IL17B: variants seen among roughly 807,000 people sequenced by gnomAD.
The protein encoded by IL17B is interleukin-17B.
IL17B carries 14 observed loss-of-function variants against 14.7 expected under a neutral mutation model. That is an observed-to-expected ratio of 0.95 (90% CI 0.63 to 1.49). The LOEUF is 1.49. Among genes scored for constraint, IL17B ranks in the 40% most tolerant of loss-of-function variants. IL17B has a pLI of 0.00. For missense variants in IL17B, 233 were observed against 252.8 expected (o/e 0.92, Z 0.53); for synonymous variants, 105 against 94.8 (o/e 1.11, Z -0.62).
upstream of IL17B, chr5:149,379,364 G>A (rs185598769): frequency 9.9e-4 from 967 of 974,544 alleles, 3 homozygotes; most frequent in Non-Finnish European, 1.0e-3. Context: ...GGGTGGGCTC[G>A]TCATCAGCTG....
chr5:149,400,560 T>A (rs1382214865), intron 1 of IL17B, among the ~76,000 whole-genome samples: 2 of 152,324 alleles, frequency 1.3e-5, no homozygotes, highest in South Asian at 4.1e-4. Flanking sequence ...TGGACACAGC[T>A]GCAGCAGTGT....
At chr5:149,379,808 A>G (rs1382395536), upstream of IL17B, among the ~76,000 whole-genome samples, 6 of 152,108 alleles carry the variant, frequency 3.9e-5, no homozygotes, top group African/African-American at 1.4e-4. Context: ...AGTCAAGGAA[A>G]CTGAGGCTGG....
chr5:149,390,717 T>C lies in IL17B; in HGVS notation n.95+13391A>G, dbSNP rs563552219. ...GGTAAGTGATTTCCAAAGTAGGGTG[T>C]CATTTGAGGCTTAGGAAGACTATCA... On this transcript the variant is annotated intron_variant and non_coding_transcript_variant, in intron 1 of 2. Transcript: ENST00000505432. Among the ~76,000 whole-genome samples, 64 of 151,998 alleles carry C rather than the reference T, an allele frequency of 4.2e-4. 2 individuals are homozygous for C. The South Asian group carries it at 0.013, about 31-fold the overall frequency.
At chr5:149,394,257 G>A (rs962823383) in intron 1 of IL17B, among the ~76,000 whole-genome samples, 1 of 152,184 alleles carries the variant, frequency 6.6e-6, no homozygotes, top group African/African-American at 2.4e-5. Context: ...CGCTATGGTT[G>A]TTAATTGTGT....
chr5:149,392,330 C>A (rs1214737401), intron 1 of IL17B, among the ~76,000 whole-genome samples: 1 of 152,238 alleles, frequency 6.6e-6, no homozygotes, highest in Non-Finnish European at 1.5e-5. Context: ...TCAAAGTGCT[C>A]ATCCTTATAG....
rs984129140 is a variant in IL17B at position 149,400,827 on chromosome 5, C to T, written n.95+3281G>A. Among the ~76,000 whole-genome samples, 33 of 152,276 alleles carry T rather than the reference C, an allele frequency of 2.2e-4. No homozygotes were observed. The East Asian group carries it at 6.0e-3, about 28-fold the overall frequency. On this transcript the variant is annotated intron_variant and non_coding_transcript_variant, in intron 1 of 2. Coordinates refer to the IL17B transcript ENST00000505432. ...GCCACTGGTGTAAGTCCCAGAGTCC[C>T]AAGGAGCAAGAACCAGGAGCTCTGA... is the stretch of plus-strand genomic sequence containing the variant.
chr5:149,381,879 A>G (rs1164221330), upstream of IL17B, among the ~76,000 whole-genome samples: 1 of 152,158 alleles, frequency 6.6e-6, no homozygotes, highest in African/African-American at 2.4e-5. Context: ...CTGGGCTTCC[A>G]GGGCTCCCAC....
chr5:149,382,071 T>C (rs1255838157), upstream of IL17B, among the ~76,000 whole-genome samples: 1 of 152,210 alleles, frequency 6.6e-6, no homozygotes, highest in South Asian at 2.1e-4. Flanking sequence ...ATGGCGCCAC[T>C]AGAAAGCCAG....
chr5:149,392,733 T>C (rs1456190281), intron 1 of IL17B, among the ~76,000 whole-genome samples: 3 of 152,232 alleles, frequency 2.0e-5, no homozygotes, highest in African/African-American at 4.8e-5. Flanking sequence ...ATAAATACTA[T>C]TTTTAAATGA....
intron 1 of IL17B, among the ~76,000 whole-genome samples, chr5:149,402,536 G>A (rs910387523): frequency 4.6e-5 from 7 of 152,074 alleles, no homozygotes; most frequent in Non-Finnish European, 8.8e-5. Context: ...TGGCCTATCT[G>A]TGAAGTAGAT....
chr5:149,377,114 T>G, intron 1 of IL17B, 89 bp from the exon 2 acceptor site: 1 of 1,129,964 alleles, frequency 8.8e-7, no homozygotes, highest in Non-Finnish European at 1.2e-6. Flanking sequence ...CCCATTGCTC[T>G]TAGGGGTCTC....
rs768281041 is a variant in IL17B at position 149,379,262 on chromosome 5, C to G, written c.-37G>C. 1 of 1,613,272 alleles carries G rather than the reference C, an allele frequency of 6.2e-7. No homozygotes were observed. The highest frequency in any genetic ancestry group is 1.1e-5 in the South Asian group (1 of 91,040). ...GCAAGGTCAGCCTGCAGCTGCTGCC[C>G]GCCTGGAACCCCAGATGCCGCCGAG... On this transcript the variant is annotated 5_prime_UTR_variant, in exon 1 of 3. Coordinates refer to ENST00000261796, the MANE Select transcript of IL17B (RefSeq NM_014443.3).
chr5:149,376,465 A>G (rs1758538133), intron 2 of IL17B, among the ~76,000 whole-genome samples: 2 of 152,192 alleles, frequency 1.3e-5, no homozygotes, highest in South Asian at 4.1e-4. Flanking sequence ...TTCCATGGAG[A>G]CTTGAAGAAC....
intron 1 of IL17B, among the ~76,000 whole-genome samples, chr5:149,395,096 T>C (rs1441102215): frequency 1.3e-5 from 2 of 152,238 alleles, no homozygotes; most frequent in East Asian, 3.8e-4. Context: ...CTCCCACTTA[T>C]AAGTGAGAAC....
chr5:149,374,682 TC>T lies in IL17B; in HGVS notation c.312-83del. Reference sequence around the variant, plus strand: ...CACCCATACTCCACACCCCTGCCTTTCCTAATCAGAGTTTTAATTTCCACAG... The same window carrying T: ...CACCCATACTCCACACCCCTGCCTTTCTAATCAGAGTTTTAATTTCCACAG... On this transcript the variant is annotated intron_variant, in intron 2 of 2. Transcript: ENST00000261796. This position sits in a 1 kb window ranked among gnomAD's most constrained non-coding sequence, Gnocchi z 5.0. 9.4e-7 allele frequency: 1 copy of T among 1,058,588 alleles called. No homozygotes were observed. The highest frequency in any genetic ancestry group is 1.4e-6 in the Non-Finnish European group (1 of 730,428). 65.6% of individuals were successfully genotyped at this position (1,058,588 alleles called of 1,614,324 possible).
At chr5:149,393,009 GCA>G (rs1251051887) in intron 1 of IL17B, among the ~76,000 whole-genome samples, 36 of 151,656 alleles carry the variant, frequency 2.4e-4, no homozygotes, top group African/African-American at 8.2e-4. Context: ...CTGCGTGTGT[GCA>G]TGTCTGCGTG....
intron 1 of IL17B, among the ~76,000 whole-genome samples, chr5:149,391,105 T>C (rs1758942459): frequency 6.6e-6 from 1 of 152,152 alleles, no homozygotes; most frequent in Non-Finnish European, 1.5e-5. Flanking sequence ...TAGCTGGGAT[T>C]ACAGGCACCT....
chr5:149,392,940 G>GTGTGTGCA (rs1362255093), intron 1 of IL17B, among the ~76,000 whole-genome samples: 2 of 121,602 alleles, frequency 1.6e-5, no homozygotes, highest in Non-Finnish European at 4.1e-5. Flanking sequence ...GTGTACGTGC[G>GTGTGTGCA]TGTGTGCGTG....
chr5:149,393,937 A>T (rs1200684499), intron 1 of IL17B, among the ~76,000 whole-genome samples: 1 of 152,388 alleles, frequency 6.6e-6, no homozygotes, highest in East Asian at 1.9e-4. Flanking sequence ...ACCAAATGCC[A>T]TAACTCTGAA....
Sources: gnomAD v4.1 joint callset for allele counts (sites outside exome capture counted in the v4.1 genomes callset) on GRCh38, gnomAD v4.1.1 for gene constraint, Gnocchi (gnomAD v3.1) non-coding constraint, MANE v1.5 for transcripts, NCBI Gene and HGNC (gene_info 2026-07-23, HGNC 2026-07-21) for gene names.